ODAD2: variants seen among roughly 807,000 people sequenced by gnomAD.
ODAD2 encodes outer dynein arm docking complex subunit 2, also known as outer dynein arm-docking complex subunit 2.
A neutral mutation model predicts 106.8 loss-of-function variants in ODAD2; 89 were observed. That is an observed-to-expected ratio of 0.83 (90% CI 0.70 to 0.99). The LOEUF (loss-of-function observed/expected upper bound fraction) is 0.99, where lower values mean the gene tolerates loss of function less well. Ranked by LOEUF, ODAD2 falls within the 50% of genes least tolerant of loss-of-function variation. The probability of loss-of-function intolerance (pLI) is 0.00; values close to 1 mark genes in which losing one functional copy is unlikely to be tolerated. For synonymous variants in ODAD2, 404 were observed against 436.2 expected (o/e 0.93, Z 0.92); for missense variants, 1,168 against 1,238.5 (o/e 0.94, Z 0.85).
Position 27,924,400 on chromosome 10 carries a change from TCATAA to T in ODAD2, c.2495+10605_2495+10609del, listed in dbSNP as rs1467429949. Among the ~76,000 whole-genome samples the T allele has an allele frequency of 3.3e-5, 5 of 151,180 alleles. No homozygotes were observed. The East Asian group carries it at 7.7e-4, about 23-fold the overall frequency. ...ATTTAAAGCAATGTCAAAGGAAAAT[TCATAA>T]CATAAGCAACTTTTATTATTTTTTA... On this transcript the variant is annotated intron_variant, in intron 16 of 19. Transcript: ENST00000305242.
At chr10:27,923,950 GA>G (rs750706164) in intron 16 of ODAD2, among the ~76,000 whole-genome samples, 20 of 37,734 alleles carry the variant, frequency 5.3e-4, no homozygotes, top group Non-Finnish European at 7.5e-4. Flanking sequence ...TCTAATGAAA[GA>G]AAGAAAGAAA....
At chr10:27,912,141 T>C (rs1163794089) in intron 16 of ODAD2, among the ~76,000 whole-genome samples, 1 of 152,230 alleles carries the variant, frequency 6.6e-6, no homozygotes, top group Non-Finnish European at 1.5e-5. Flanking sequence ...GGTGTTAATT[T>C]ATACCACTCT....
intron 7 of ODAD2, among the ~76,000 whole-genome samples, chr10:27,974,415 G>C (rs2133026696): frequency 6.6e-6 from 1 of 152,302 alleles, no homozygotes; most frequent in Middle Eastern, 3.4e-3. Context: ...TATGGTATAA[G>C]AAAGCGGTCC....
chr10:27,861,345 T>C (rs1840028079), intron 18 of ODAD2, among the ~76,000 whole-genome samples: 1 of 152,168 alleles, frequency 6.6e-6, no homozygotes, highest in Non-Finnish European at 1.5e-5. Flanking sequence ...AATCTTGAGT[T>C]TTCTTCTTAT....
chr10:27,949,474 C>T (rs1417238689), intron 10 of ODAD2, among the ~76,000 whole-genome samples: 2 of 152,050 alleles, frequency 1.3e-5, no homozygotes, highest in Admixed American at 6.6e-5. Flanking sequence ...AGAAAATAGG[C>T]GATTTCCCAG....
At chr10:27,836,356 T>G (rs1366846063) in intron 19 of ODAD2, among the ~76,000 whole-genome samples, 1 of 152,142 alleles carries the variant, frequency 6.6e-6, no homozygotes, top group Non-Finnish European at 1.5e-5. Flanking sequence ...AACCCAGATC[T>G]GCTAACACCA....
intron 19 of ODAD2, among the ~76,000 whole-genome samples, chr10:27,849,082 G>A (rs1001587658): frequency 4.6e-5 from 7 of 152,176 alleles, no homozygotes; most frequent in African/African-American, 1.7e-4. Context: ...AAAGCATGCT[G>A]CTATAAAGAC....
chr10:27,820,192 A>G (rs1160213822), intron 19 of ODAD2, among the ~76,000 whole-genome samples: 1 of 152,068 alleles, frequency 6.6e-6, no homozygotes. Context: ...ATGGACACCA[A>G]TGGCCCAGGC....
At chr10:27,863,378 G>T (rs1254249918) in intron 17 of ODAD2, among the ~76,000 whole-genome samples, 2 of 152,144 alleles carry the variant, frequency 1.3e-5, no homozygotes, top group African/African-American at 4.8e-5. Flanking sequence ...TATGAGAAAT[G>T]AAACAAGAAG....
At chr10:27,969,826 C>T (rs796433394) in intron 8 of ODAD2, among the ~76,000 whole-genome samples, 8 of 152,012 alleles carry the variant, frequency 5.3e-5, no homozygotes, top group South Asian at 4.1e-4. Flanking sequence ...AAAAAGTGGG[C>T]TGGGTGCAGT....
intron 19 of ODAD2, among the ~76,000 whole-genome samples, chr10:27,834,893 T>C (rs1837747125): frequency 6.6e-6 from 1 of 152,210 alleles, no homozygotes; most frequent in South Asian, 2.1e-4. Flanking sequence ...CCGATTTTAA[T>C]GGAAAGTTTT....
intron 9 of ODAD2, among the ~76,000 whole-genome samples, chr10:27,965,623 G>T (rs969634683): frequency 1.3e-5 from 2 of 152,104 alleles, no homozygotes; most frequent in African/African-American, 4.8e-5. Context: ...CCACCCCCTG[G>T]AGTAGTGTAT....
intron 19 of ODAD2, among the ~76,000 whole-genome samples, chr10:27,829,720 C>T (rs1437266374): frequency 1.3e-5 from 2 of 152,002 alleles, no homozygotes; most frequent in East Asian, 3.9e-4. Context: ...TGTCTTTTTG[C>T]TAAAATGTTA....
chr10:27,813,423 C>A (rs1350926743), intron 19 of ODAD2: 1 of 152,118 alleles, frequency 6.6e-6, no homozygotes, highest in African/African-American at 2.4e-5. Flanking sequence ...GCTTTCTGTC[C>A]TTCTTTAGAT....
chr10:27,941,221 C>T (rs1034249729), intron 12 of ODAD2, among the ~76,000 whole-genome samples: 11 of 152,084 alleles, frequency 7.2e-5, no homozygotes, highest in Admixed American at 2.6e-4. Flanking sequence ...CACTGGCTCA[C>T]GCCTGTAATC....
intron 19 of ODAD2, among the ~76,000 whole-genome samples, chr10:27,853,562 G>T (rs1318584561): frequency 6.6e-6 from 1 of 151,904 alleles, no homozygotes; most frequent in South Asian, 2.1e-4. Flanking sequence ...TCAAAACAAA[G>T]AATATGACCA....
chr10:27,932,341 T>C (rs1845674306), intron 16 of ODAD2, among the ~76,000 whole-genome samples: 1 of 152,204 alleles, frequency 6.6e-6, no homozygotes, highest in Non-Finnish European at 1.5e-5. Context: ...AAAAGAATGG[T>C]TGTAGAGGTA....
At chr10:27,898,428 A>G (rs1264708877) in intron 17 of ODAD2, among the ~76,000 whole-genome samples, 1 of 152,066 alleles carries the variant, frequency 6.6e-6, no homozygotes, top group East Asian at 1.9e-4. Flanking sequence ...CATTCCTTAC[A>G]TTATCTCTGT....
At chr10:27,875,905 G>A (rs151187273) in intron 17 of ODAD2, among the ~76,000 whole-genome samples, 2,043 of 152,280 alleles carry the variant, frequency 0.013, 26 homozygotes, top group African/African-American at 0.032. Flanking sequence ...TATATCGCAC[G>A]CCTGGCTCGG....
Sources: allele counts gnomAD v4.1 joint callset (sites outside exome capture counted in the v4.1 genomes callset), GRCh38; gene constraint gnomAD v4.1.1; transcripts MANE v1.5; gene names NCBI Gene and HGNC (gene_info 2026-07-23, HGNC 2026-07-21).